RGS12: variants seen among roughly 807,000 people sequenced by gnomAD.
RGS12 encodes the protein regulator of G-protein signaling 12.
In RGS12, 66 loss-of-function variants were observed where a neutral mutation model predicts 120.1. The observed-to-expected ratio is 0.55, with a 90% CI of 0.45 to 0.67. The LOEUF (loss-of-function observed/expected upper bound fraction) is 0.67, where lower values mean the gene tolerates loss of function less well. RGS12 is among the 30% of genes least tolerant of loss of function. The probability of loss-of-function intolerance (pLI) is 0.00; values close to 1 mark genes in which losing one functional copy is unlikely to be tolerated. For missense variants in RGS12, 1,859 were observed against 1,957.7 expected (o/e 0.95, Z 0.95); for synonymous variants, 827 against 804.7 (o/e 1.03, Z -0.47).
chr4:3,324,570 C>T (rs1234465033), intron 2 of RGS12: 1 of 156,666 alleles, frequency 6.4e-6, no homozygotes, highest in African/African-American at 2.4e-5. Flanking sequence ...GGAGGATGGC[C>T]CTTTGCCACT....
intron 16 of RGS12, among the ~76,000 whole-genome samples, chr4:3,430,000 C>G (rs1023110198): frequency 1.3e-5 from 2 of 152,234 alleles, no homozygotes; most frequent in Admixed American, 6.5e-5. Context: ...CGGGCGGGTG[C>G]TTCAGATGCT....
At chr4:3,321,773 G>A (rs767605013) in intron 2 of RGS12, among the ~76,000 whole-genome samples, 8 of 152,212 alleles carry the variant, frequency 5.3e-5, no homozygotes, top group Non-Finnish European at 1.0e-4. Context: ...GCCTGGGCAG[G>A]GGCCCCTGCT....
At chr4:3,417,143 C>T (rs753231848) in intron 8 of RGS12, 51 bp downstream of exon 8, 3 of 1,519,340 alleles carry the variant, frequency 2.0e-6, no homozygotes, top group Non-Finnish European at 2.7e-6. Context: ...GTGTCATCAG[C>T]TGAGAGCTGT....
intron 9 of RGS12, among the ~76,000 whole-genome samples, chr4:3,419,675 C>T (rs1722790977): frequency 1.3e-5 from 2 of 151,724 alleles, no homozygotes; most frequent in Admixed American, 1.3e-4. Flanking sequence ...TAAAAATTAG[C>T]CAAGTGTGGT....
chr4:3,421,744 C>A (rs1387743528), intron 10 of RGS12, among the ~76,000 whole-genome samples: 2 of 152,248 alleles, frequency 1.3e-5, no homozygotes, highest in South Asian at 4.1e-4. Flanking sequence ...CTTGGAGCCG[C>A]TCCTTCTGCC....
At chr4:3,344,228 C>T (rs865966409) in intron 3 of RGS12, among the ~76,000 whole-genome samples, 8 of 152,102 alleles carry the variant, frequency 5.3e-5, no homozygotes, top group African/African-American at 1.9e-4. Context: ...GGAATCTGCC[C>T]TTGGATGGCC....
chr4:3,424,888 G>A (rs1245117343), intron 13 of RGS12, among the ~76,000 whole-genome samples: 1 of 152,214 alleles, frequency 6.6e-6, no homozygotes, highest in African/African-American at 2.4e-5. Context: ...GGAGCTTAGA[G>A]CCTCTCCCGC....
intron 3 of RGS12, 42 bp downstream of exon 3, chr4:3,343,095 T>G (rs1308825471): frequency 6.8e-7 from 1 of 1,468,276 alleles, no homozygotes; most frequent in East Asian, 2.3e-5. Context: ...CTTCAAGTTT[T>G]AAAAAATGCA....
chr4:3,429,652 C>T (rs1159288910), intron 16 of RGS12, among the ~76,000 whole-genome samples: 1 of 152,228 alleles, frequency 6.6e-6, no homozygotes, highest in Non-Finnish European at 1.5e-5. Flanking sequence ...CACTAGAAAA[C>T]CCAGCCCAGG....
chr4:3,389,767 G>A lies in RGS12; in HGVS notation c.2020+3330G>A, dbSNP rs1405090175. Among the ~76,000 whole-genome samples, 1 of 152,198 alleles carries A rather than the reference G, an allele frequency of 6.6e-6. No homozygotes were observed. The highest frequency in any genetic ancestry group is 1.5e-5 in the Non-Finnish European group (1 of 68,032). Reference sequence around the variant, plus strand: ...GCCAGCAGGAAAGCCGGGGAACTGTGCGGCTCTGGCTTTGGGGGACGGTGG... The same window carrying A: ...GCCAGCAGGAAAGCCGGGGAACTGTACGGCTCTGGCTTTGGGGGACGGTGG... On this transcript the variant is annotated intron_variant, in intron 4 of 17. Coordinates refer to ENST00000336727, the MANE Select transcript of RGS12 (RefSeq NM_001394154.1). This position sits in a 1 kb window ranked among gnomAD's most constrained non-coding sequence, Gnocchi z 5.2.
At chr4:3,297,272 C>G (rs1024562532) in intron 1 of RGS12, among the ~76,000 whole-genome samples, 6 of 152,170 alleles carry the variant, frequency 3.9e-5, no homozygotes, top group African/African-American at 7.2e-5. Flanking sequence ...GTCCTTCCAG[C>G]ATGCCTGAAA....
intron 17 of RGS12, among the ~76,000 whole-genome samples, chr4:3,438,111 T>C (rs1157855630): frequency 2.0e-5 from 3 of 152,052 alleles, no homozygotes; most frequent in East Asian, 3.9e-4. Context: ...AGGGACCCCC[T>C]GTCCCTGGTT....
Position 3,417,516 on chromosome 4 carries a change from G to A in RGS12, c.2736G>A (p.Lys912=). The change falls in exon 9 of 18, where the codon AAG becomes AAA. Residue 912 remains lysine (K), a synonymous_variant. Coordinates refer to ENST00000336727, the MANE Select transcript of RGS12 (RefSeq NM_001394154.1). ...RTRSTGRSQK[K]REHGDHADDA... ...GGAGCACCGGGAGGTCCCAGAAAAAGAGGGAGCACGGGGACCACGCAGACG... is the reference window on the plus strand; with the variant it reads ...GGAGCACCGGGAGGTCCCAGAAAAAAAGGGAGCACGGGGACCACGCAGACG... 1.9e-6 allele frequency: 3 copies of A among 1,613,204 alleles called. No individual in the cohort carries two copies. The highest frequency in any genetic ancestry group is 1.7e-6 in the Non-Finnish European group (2 of 1,179,990).
chr4:3,362,011 C>T (rs956030473), intron 3 of RGS12, among the ~76,000 whole-genome samples: 6 of 152,308 alleles, frequency 3.9e-5, no homozygotes, highest in Non-Finnish European at 7.4e-5. Context: ...CAGCGTGTAG[C>T]GCTCCCCCTC....
chr4:3,294,513 G>A (rs1283635336), intron 1 of RGS12, among the ~76,000 whole-genome samples: 3 of 152,258 alleles, frequency 2.0e-5, no homozygotes, highest in South Asian at 2.1e-4. Flanking sequence ...GGTCCATCGT[G>A]GCCAGTGCTT....
At chr4:3,437,867 C>A (rs570685778) in intron 17 of RGS12, among the ~76,000 whole-genome samples, 2 of 152,166 alleles carry the variant, frequency 1.3e-5, no homozygotes, top group Non-Finnish European at 2.9e-5. Context: ...AGAGGGGAGT[C>A]ACACCTTCCG....
At chr4:3,431,200 A>T in intron 17 of RGS12, 1 of 1,377,380 alleles carries the variant, frequency 7.3e-7, no homozygotes. Flanking sequence ...GTGTCCTGAG[A>T]GGCTCTTGCA....
intron 3 of RGS12, among the ~76,000 whole-genome samples, chr4:3,353,913 C>T (rs1409181871): frequency 1.3e-5 from 2 of 152,148 alleles, no homozygotes; most frequent in East Asian, 1.9e-4. Flanking sequence ...ACTCCCCTTT[C>T]CTTAACACAC....
intron 2 of RGS12, among the ~76,000 whole-genome samples, chr4:3,323,013 A>G (rs1407925869): frequency 6.6e-6 from 1 of 152,218 alleles, no homozygotes; most frequent in Admixed American, 6.5e-5. Context: ...TCTGAGTGAG[A>G]TAGTGGTACC....
Sources: allele counts gnomAD v4.1 joint callset (sites outside exome capture counted in the v4.1 genomes callset), GRCh38; gene constraint gnomAD v4.1.1; non-coding constraint Gnocchi (gnomAD v3.1); transcripts MANE v1.5; gene names NCBI Gene and HGNC (gene_info 2026-07-23, HGNC 2026-07-21).